The following CCND3 variants were observed in gnomAD, a reference collection of about 807,000 sequenced individuals.
The protein encoded by CCND3 is cyclin D3.
CCND3 carries 9 observed loss-of-function variants against 28.7 expected under a neutral mutation model. The ratio of observed to expected loss-of-function variants is 0.31; its 90% CI spans 0.19 to 0.55. The LOEUF is 0.55. CCND3 is among the 20% of genes least tolerant of loss of function. The pLI, the probability that CCND3 is intolerant of heterozygous loss-of-function variation, is 0.93. For synonymous variants in CCND3, 164 were observed against 163.9 expected (o/e 1.00, Z 0.00); for missense variants, 315 against 385.8 (o/e 0.82, Z 1.54).
At chr6:41,969,976 C>G (rs1761991600) in intron 1 of CCND3, among the ~76,000 whole-genome samples, 1 of 151,814 alleles carries the variant, frequency 6.6e-6, no homozygotes, top group Non-Finnish European at 1.5e-5. Context: ...GGCGGCTTAG[C>G]TGGAACTGCT....
chr6:42,042,898 G>A (rs1213108174), intron 1 of CCND3, among the ~76,000 whole-genome samples: 1 of 152,242 alleles, frequency 6.6e-6, no homozygotes, highest in Non-Finnish European at 1.5e-5. Flanking sequence ...CCAGAAAGGA[G>A]CTGAGCTAGG....
At position 42,048,729 on chromosome 6, in the gene CCND3, A is replaced by C. The variant is rs1198873709; in HGVS notation, c.-274T>G. On this transcript the variant is annotated 5_prime_UTR_variant, in exon 1 of 5. Coordinates refer to the CCND3 transcript ENST00000372988. The surrounding 1 kb of genome is among the most constrained non-coding windows in gnomAD (Gnocchi z 4.7). ...CGCCGCCGATCCAGAGCTGGGCAGG[A>C]AGTGGGGAAGAGGGGGCGGAGGAGA... 2 of 505,274 alleles carry C rather than the reference A, an allele frequency of 4.0e-6. No homozygotes were observed. The highest frequency in any genetic ancestry group is 4.1e-5 in the Admixed American group (2 of 49,082). 31.3% of individuals were successfully genotyped at this position (505,274 alleles called of 1,614,324 possible). A position where few individuals can be genotyped will look rare whatever the true frequency, so the allele number is the denominator to read the frequency against.
At chr6:41,983,850 ATAAAAAT>A (rs1460091046) in intron 1 of CCND3, among the ~76,000 whole-genome samples, 1 of 152,154 alleles carries the variant, frequency 6.6e-6, no homozygotes, top group Non-Finnish European at 1.5e-5. Flanking sequence ...GTCTCAAAAA[ATAAAAAT>A]TAAAAATAAG....
At chr6:41,962,364 T>C (rs7764698) in intron 1 of CCND3, among the ~76,000 whole-genome samples, 38,694 of 151,782 alleles carry the variant, frequency 0.25, 5,252 homozygotes, top group Admixed American at 0.28. Context: ...CCTCGCAAAG[T>C]GTTGGGATTA....
intron 2 of CCND3, 76 bp from the exon 3 acceptor site, chr6:41,937,470 C>CT: frequency 6.4e-7 from 1 of 1,561,024 alleles, no homozygotes; most frequent in East Asian, 2.3e-5. Flanking sequence ...GTCTCAAAGT[C>CT]TCAGGCAGGG....
chr6:41,948,504 T>G (rs1455579383), intron 1 of CCND3, among the ~76,000 whole-genome samples: 1 of 152,006 alleles, frequency 6.6e-6, no homozygotes, highest in Non-Finnish European at 1.5e-5. Flanking sequence ...TCTGGCTCAA[T>G]AAATCTTTTT....
chr6:41,963,101 A>G (rs1028225138), intron 1 of CCND3, among the ~76,000 whole-genome samples: 6 of 152,214 alleles, frequency 3.9e-5, no homozygotes, highest in Non-Finnish European at 8.8e-5. Context: ...TTCTCCGTCC[A>G]GCCTTATCTT....
At chr6:42,022,092 GTGAGA>G (rs1253041289) in intron 1 of CCND3, among the ~76,000 whole-genome samples, 3 of 152,178 alleles carry the variant, frequency 2.0e-5, no homozygotes, top group Non-Finnish European at 2.9e-5. Flanking sequence ...AAACAGTCGT[GTGAGA>G]TGAGACAGTA....
intron 1 of CCND3, among the ~76,000 whole-genome samples, chr6:42,022,374 CCT>C (rs901419938): frequency 6.6e-6 from 1 of 152,140 alleles, no homozygotes; most frequent in African/African-American, 2.4e-5. Context: ...GTAAAGAAAA[CCT>C]CTCAGCACAC....
intron 1 of CCND3, among the ~76,000 whole-genome samples, chr6:41,988,780 G>A (rs1054159078): frequency 1.4e-5 from 2 of 146,166 alleles, no homozygotes; most frequent in African/African-American, 5.1e-5. Flanking sequence ...CTCACTGCAA[G>A]CTCCGCCTCC....
At chr6:42,009,620 A>AAAAACAAAACAAAAC (rs61144625) in intron 1 of CCND3, among the ~76,000 whole-genome samples, 189 of 150,508 alleles carry the variant, frequency 1.3e-3, no homozygotes, top group Admixed American at 2.0e-3. Flanking sequence ...TTCAAAACAA[A>AAAAACAAAACAAAAC]AAAACAAAAC....
Position 41,936,747 on chromosome 6 carries a change from G to A in CCND3, c.575-52C>T, listed in dbSNP as rs777174764. 2.6e-5 allele frequency: 42 copies of A among 1,585,100 alleles called. No individual in the cohort carries two copies. In the Admixed American group the frequency reaches 5.0e-4, roughly 19 times the overall value. On this transcript the variant is annotated intron_variant, in intron 3 of 4. Coordinates refer to ENST00000372991, the MANE Select transcript of CCND3 (RefSeq NM_001760.5). This position sits in a 1 kb window ranked among gnomAD's most constrained non-coding sequence, Gnocchi z 4.4. ...AGAGAAGGAAACCTGAAGGATAACG[G>A]CCAGCATGGACTTCCGACTCCTTGG...
At chr6:41,955,847 G>A (rs772192330) in intron 1 of CCND3, among the ~76,000 whole-genome samples, 6 of 152,044 alleles carry the variant, frequency 3.9e-5, no homozygotes, top group Non-Finnish European at 8.8e-5. Flanking sequence ...AGCTACATGG[G>A]AGGCTGAGGC....
At chr6:41,966,576 C>G (rs1761892868) in intron 1 of CCND3, among the ~76,000 whole-genome samples, 1 of 152,146 alleles carries the variant, frequency 6.6e-6, no homozygotes, top group African/African-American at 2.4e-5. Flanking sequence ...CCCACCGAAC[C>G]AGGAATTATG....
chr6:41,969,320 T>G (rs113756602), intron 1 of CCND3, among the ~76,000 whole-genome samples: 4 of 151,758 alleles, frequency 2.6e-5, no homozygotes, highest in African/African-American at 9.7e-5. Context: ...GAGACCATCC[T>G]GGCCAACCAA....
chr6:41,975,737 CTTT>C (rs1318433808), intron 1 of CCND3, among the ~76,000 whole-genome samples: 1 of 135,656 alleles, frequency 7.4e-6, no homozygotes, highest in African/African-American at 2.7e-5. Flanking sequence ...GCTTGCTTGA[CTTT>C]TTTTTTTTTT....
chr6:41,950,503 A>C (rs1405485578), intron 1 of CCND3, among the ~76,000 whole-genome samples: 1 of 152,130 alleles, frequency 6.6e-6, no homozygotes, highest in Non-Finnish European at 1.5e-5. Context: ...GAGGATGGTA[A>C]CAACTCCTAT....
At position 41,936,409 on chromosome 6, in the gene CCND3, A is replaced by G; in HGVS notation, c.711+150T>C. ...CAAGATACTTGCTCTTCCCCAGACC[A>G]AGGCAGGAGATAAAAAGCCACAAAG... On this transcript the variant is annotated intron_variant, in intron 4 of 4. Transcript: ENST00000372991. This position sits in a 1 kb window ranked among gnomAD's most constrained non-coding sequence, Gnocchi z 4.4. The G allele has an allele frequency of 3.2e-6, 3 of 927,742 alleles. No individual in the cohort carries two copies. In the South Asian group the frequency reaches 4.9e-5, roughly 15 times the overall value. 57.5% of individuals were successfully genotyped at this position (927,742 alleles called of 1,614,324 possible).
intron 1 of CCND3, among the ~76,000 whole-genome samples, chr6:42,036,102 G>A (rs1427531079): frequency 6.7e-6 from 1 of 149,934 alleles, no homozygotes; most frequent in East Asian, 2.0e-4. Flanking sequence ...AAGCGATTCT[G>A]CTGCCTCCAC....
Sources: gnomAD v4.1 joint callset for allele counts (sites outside exome capture counted in the v4.1 genomes callset) on GRCh38, gnomAD v4.1.1 for gene constraint, Gnocchi (gnomAD v3.1) non-coding constraint, MANE v1.5 for transcripts, NCBI Gene and HGNC (gene_info 2026-07-23, HGNC 2026-07-21) for gene names.